Variants in CHRD observed in about 807,000 individuals in gnomAD.
CHRD encodes chordin.
CHRD carries 69 observed loss-of-function variants against 113.7 expected under a neutral mutation model. The ratio of observed to expected loss-of-function variants is 0.61; its 90% CI spans 0.50 to 0.74. CHRD has a LOEUF of 0.74. Among genes scored for constraint, CHRD ranks in the 30% least tolerant of loss-of-function variants. The probability of loss-of-function intolerance (pLI) is 0.00; values close to 1 mark genes in which losing one functional copy is unlikely to be tolerated. For missense variants in CHRD, 1,194 were observed against 1,295.8 expected (o/e 0.92, Z 1.21); for synonymous variants, 561 against 540.8 (o/e 1.04, Z -0.52).
At chr3:184,386,062 AGGACCTGGAGCC>A (rs1252865544) in exon 15 of CHRD, 1 of 1,614,184 alleles carries the variant, frequency 6.2e-7, no homozygotes, top group East Asian at 2.2e-5. Flanking sequence ...GGTGTGGTGA[AGGACCTGGAGCC>A]GGAACTGCTG....
At position 184,380,252 on chromosome 3, in the gene CHRD, G is replaced by A; in HGVS notation, c.-67G>A. On this transcript the variant is annotated 5_prime_UTR_variant, in exon 1 of 23. Transcript: ENST00000204604. The surrounding 1 kb of genome is among the most constrained non-coding windows in gnomAD (Gnocchi z 6.3). ...CCGGCCCTCCGCCCTCCGCACTCCC[G>A]CCTCCCTCCCTCCGCCCGCTCCCGC... is the stretch of plus-strand genomic sequence containing the variant. The A allele has an allele frequency of 1.6e-5, 2 of 122,432 alleles. No homozygotes were observed. The highest frequency in any genetic ancestry group is 3.0e-4 in the East Asian group (1 of 3,358). 7.6% of individuals were successfully genotyped at this position (122,432 alleles called of 1,614,324 possible). A position where few individuals can be genotyped will look rare whatever the true frequency, so the allele number is the denominator to read the frequency against.
rs371774842 is a variant in CHRD at position 184,388,082 on chromosome 3, G to A, written c.2554+49G>A. 2.0e-6 allele frequency: 3 copies of A among 1,527,820 alleles called. No individual in the cohort carries two copies. Among genetic ancestry groups the A allele is most frequent in the Non-Finnish European group, 9.0e-7 (1 of 1,110,334 alleles). The allele number at this position is 1,527,820 out of a possible 1,614,324, so 94.6% of individuals were successfully genotyped here. ...AGGCCTCACCTTTGGGTTGAGGCAG[G>A]CTTTGTCCTGGGTGAGGGGAAGGGT... On this transcript the variant is annotated intron_variant, in intron 20 of 22. Transcript: ENST00000204604. This position sits in a 1 kb window ranked among gnomAD's most constrained non-coding sequence, Gnocchi z 6.1.
Position 184,384,387 on chromosome 3 carries a change from G to A in CHRD, c.1441-150G>A. On this transcript the variant is annotated intron_variant, in intron 12 of 22. Transcript: ENST00000204604. The surrounding 1 kb of genome is among the most constrained non-coding windows in gnomAD (Gnocchi z 4.4). ...TACATAGCTAGGAAGCAGCAGGGGA[G>A]GGCCTTGAAACTGGGCCTGCCAGGT... 1.2e-6 allele frequency: 1 copy of A among 833,106 alleles called. No individual in the cohort carries two copies. Among genetic ancestry groups the A allele is most frequent in the South Asian group, 4.2e-5 (1 of 23,786 alleles). The allele number at this position is 833,106 out of a possible 1,614,324, so 51.6% of individuals were successfully genotyped here.
At chr3:184,382,017 C>A (rs1715518693) in exon 6 of CHRD, 2 of 1,613,700 alleles carry the variant, frequency 1.2e-6, no homozygotes, top group Admixed American at 3.3e-5. Context: ...CCCAAGATGG[C>A]CTGGTGAGAT....
Position 184,384,969 on chromosome 3 carries a change from TGCCCTAG to T in CHRD, c.1598-45_1598-39del, listed in dbSNP as rs1319630963. The T allele has an allele frequency of 6.3e-7, 1 of 1,579,498 alleles. No individual in the cohort carries two copies. Among genetic ancestry groups the T allele is most frequent in the African/African-American group, 1.3e-5 (1 of 74,284 alleles). ...GCTGGGAATGCTGGGTTTGAGGGCT[TGCCCTAG>T]GCCACCTTCTCACCTGTCATCTCTC... On this transcript the variant is annotated intron_variant, in intron 13 of 22. Coordinates refer to ENST00000204604, the Ensembl canonical transcript of CHRD. This position sits in a 1 kb window ranked among gnomAD's most constrained non-coding sequence, Gnocchi z 4.4.
At position 184,380,590 on chromosome 3, in the gene CHRD, G is replaced by T; in HGVS notation, c.149-102G>T. The T allele has an allele frequency of 1.8e-6, 2 of 1,096,756 alleles. No individual in the cohort carries two copies. Among genetic ancestry groups the T allele is most frequent in the Non-Finnish European group, 2.3e-6 (2 of 859,104 alleles). The allele number at this position is 1,096,756 out of a possible 1,614,324, so 67.9% of individuals were successfully genotyped here. A position where few individuals can be genotyped will look rare whatever the true frequency, so the allele number is the denominator to read the frequency against. ...CGGGCGGCCCGGAGGGTGGGCGGGGGCAGAAGGGCGCGGTGCCTGGGACCC... is the reference window on the plus strand; with the variant it reads ...CGGGCGGCCCGGAGGGTGGGCGGGGTCAGAAGGGCGCGGTGCCTGGGACCC... On this transcript the variant is annotated intron_variant, in intron 1 of 22. Transcript: ENST00000204604. This position sits in a 1 kb window ranked among gnomAD's most constrained non-coding sequence, Gnocchi z 6.3.
In CHRD at chr3:184,387,562, C is replaced by A. The variant is rs955584691; in HGVS notation, c.2451+85C>A. ...GGGCTGCCAGGTGAGGAAGGCCCGT[C>A]CTTGGTGAGGAGGGCTCAAGAATCA... On this transcript the variant is annotated intron_variant, in intron 19 of 22. Coordinates refer to ENST00000204604, the Ensembl canonical transcript of CHRD. The surrounding 1 kb of genome is among the most constrained non-coding windows in gnomAD (Gnocchi z 6.1). 1.1e-5 allele frequency: 14 copies of A among 1,270,916 alleles called. No individual in the cohort carries two copies. The Middle Eastern group carries it at 7.8e-4, about 71-fold the overall frequency. 78.7% of individuals were successfully genotyped at this position (1,270,916 alleles called of 1,614,324 possible).
exon 16 of CHRD, chr3:184,386,569 G>A (rs1431361765): frequency 1.9e-6 from 3 of 1,562,072 alleles, no homozygotes; most frequent in South Asian, 2.4e-5. Flanking sequence ...GGGCGCTGGG[G>A]GCTCCGGATA....
rs1209537829 is a variant in CHRD at position 184,387,383 on chromosome 3, T to C, written c.2357T>C (p.Phe786Ser). ...CCCTGTTCCCCACCAGGCTGCTATT[T>C]TGATGGTGACCGGAGCTGGCGGGCA... The change falls in exon 19 of 23, where the codon TTT becomes TCT. Residue 786 changes from phenylalanine to serine, a missense_variant. By Grantham distance (155) the Phe-to-Ser change is radical. Coordinates refer to ENST00000204604, the Ensembl canonical transcript of CHRD. The surrounding 1 kb of genome is among the most constrained non-coding windows in gnomAD (Gnocchi z 6.1). 6.2e-7 allele frequency: 1 copy of C among 1,610,874 alleles called. No individual in the cohort carries two copies. The highest frequency in any genetic ancestry group is 2.2e-5 in the East Asian group (1 of 44,874).
In CHRD at chr3:184,388,869, A is replaced by G; in HGVS notation, c.2710-24A>G. 1 of 1,608,030 alleles carries G rather than the reference A, an allele frequency of 6.2e-7. No individual in the cohort carries two copies. The highest frequency in any genetic ancestry group is 8.5e-7 in the Non-Finnish European group (1 of 1,175,360). On this transcript the variant is annotated intron_variant, in intron 21 of 22. Transcript: ENST00000204604. This position sits in a 1 kb window ranked among gnomAD's most constrained non-coding sequence, Gnocchi z 6.1. Reference sequence around the variant, plus strand: ...GTCCCAGTGCCTCTGGGGGACACTCAGTGTCTGCTCTGTCTTGTACCAGGC... The same window carrying G: ...GTCCCAGTGCCTCTGGGGGACACTCGGTGTCTGCTCTGTCTTGTACCAGGC...
chr3:184,389,343 A>G (rs959487515), intron 22 of CHRD, 24 bp from the exon 23 acceptor site: 50 of 1,610,910 alleles, frequency 3.1e-5, no homozygotes, highest in African/African-American at 9.4e-5. Flanking sequence ...CCCTCCTCCA[A>G]CATTCCCTCC....
chr3:184,382,217 T>C (rs1353315588), intron 6 of CHRD, 172 bp from the exon 7 acceptor site: 6 of 1,242,992 alleles, frequency 4.8e-6, no homozygotes, highest in African/African-American at 1.5e-5. Flanking sequence ...TAGTAAGTGG[T>C]GCAGCCAGGA....
In CHRD at chr3:184,380,895, C is replaced by T; in HGVS notation, c.252+100C>T. ...CGGAGCTGCTGAGAAGGAGCCCAGT[C>T]GGCAGATGTTGGGGATATTTTTCTG... On this transcript the variant is annotated intron_variant, in intron 2 of 22. Transcript: ENST00000204604. This position sits in a 1 kb window ranked among gnomAD's most constrained non-coding sequence, Gnocchi z 6.3. The T allele has an allele frequency of 1.1e-6, 1 of 916,410 alleles. No homozygotes were observed. The highest frequency in any genetic ancestry group is 2.2e-4 in the Middle Eastern group (1 of 4,460). The allele number at this position is 916,410 out of a possible 1,614,324, so 56.8% of individuals were successfully genotyped here.
rs1227618101 is a variant in CHRD, at chr3:184,385,823, AG to A, written c.1819-217del. Among the ~76,000 whole-genome samples the A allele has an allele frequency of 3.3e-5, 5 of 151,822 alleles. No homozygotes were observed. In the South Asian group the frequency reaches 6.2e-4, roughly 19 times the overall value. On this transcript the variant is annotated intron_variant, in intron 14 of 22. Transcript: ENST00000204604. ...GATAGTATGTAATATCCTGGACCTC[AG>A]GGGGGTAGGTGGGATGGACTAAGCC...
intron 6 of CHRD, 76 bp downstream of exon 6, chr3:184,382,096 G>C: frequency 6.3e-7 from 1 of 1,576,308 alleles, no homozygotes; most frequent in Middle Eastern, 2.2e-4. Context: ...TGCCTCCCGT[G>C]GTCCTCACCA....
At position 184,380,993 on chromosome 3, in the gene CHRD, T is replaced by C; in HGVS notation, c.252+198T>C. ...ATCGCCCACTCTGTGTGAGGCTCTG[T>C]GCCAACTCCGTTTCGTTCCCTGCTC... On this transcript the variant is annotated intron_variant, in intron 2 of 22. Coordinates refer to ENST00000204604, the Ensembl canonical transcript of CHRD. This position sits in a 1 kb window ranked among gnomAD's most constrained non-coding sequence, Gnocchi z 6.3. 1.4e-6 allele frequency: 1 copy of C among 734,044 alleles called. No individual in the cohort carries two copies. Among genetic ancestry groups the C allele is most frequent in the South Asian group, 1.5e-5 (1 of 67,386 alleles). The allele number at this position is 734,044 out of a possible 1,614,324, so 45.5% of individuals were successfully genotyped here. A position where few individuals can be genotyped will look rare whatever the true frequency, so the allele number is the denominator to read the frequency against.
rs999018756 is a variant in CHRD, at chr3:184,386,355, A to G, written c.1933-137A>G. The G allele has an allele frequency of 3.0e-6, 4 of 1,329,048 alleles. No homozygotes were observed. In the Admixed American group the frequency reaches 1.0e-4, roughly 33 times the overall value. The allele number at this position is 1,329,048 out of a possible 1,614,324, so 82.3% of individuals were successfully genotyped here. On this transcript the variant is annotated intron_variant, in intron 15 of 22. Coordinates refer to ENST00000204604, the Ensembl canonical transcript of CHRD. ...CACCCTATCCCTGGCAGCTGAGATG[A>G]TTGTGGAGCGAATGGCATCCTCCTG...
chr3:184,386,768 G>A lies in CHRD; in HGVS notation c.2196+13G>A, dbSNP rs771867752. 4 of 1,613,316 alleles carry A rather than the reference G, an allele frequency of 2.5e-6. No homozygotes were observed. The highest frequency in any genetic ancestry group is 1.1e-5 in the South Asian group (1 of 91,018). ...CTGCACCTGCCAGGTAGGAGGTCCT[G>A]GAAGGGCACACTGGGTCCTGGGATC... On this transcript the variant is annotated intron_variant, in intron 16 of 22. Transcript: ENST00000204604.
In CHRD at chr3:184,380,974, C is replaced by T; in HGVS notation, c.252+179C>T. 1 of 735,290 alleles carries T rather than the reference C, an allele frequency of 1.4e-6. No homozygotes were observed. The highest frequency in any genetic ancestry group is 2.7e-5 in the East Asian group (1 of 37,362). The allele number at this position is 735,290 out of a possible 1,614,324, so 45.5% of individuals were successfully genotyped here. The stretch of plus-strand genomic sequence containing the variant: ...TTCTTAGGTGCTGTTACTGATCGCC[C>T]ACTCTGTGTGAGGCTCTGTGCCAAC... On this transcript the variant is annotated intron_variant, in intron 2 of 22. Coordinates refer to ENST00000204604, the Ensembl canonical transcript of CHRD. The surrounding 1 kb of genome is among the most constrained non-coding windows in gnomAD (Gnocchi z 6.3).
Sources: gnomAD v4.1 joint callset for allele counts (sites outside exome capture counted in the v4.1 genomes callset) on GRCh38, gnomAD v4.1.1 for gene constraint, Gnocchi (gnomAD v3.1) non-coding constraint, MANE v1.5 for transcripts, NCBI Gene and HGNC (gene_info 2026-07-23, HGNC 2026-07-21) for gene names.